Variants in SLC4A7 observed in about 807,000 individuals in gnomAD.
The protein encoded by SLC4A7 is solute carrier family 4 member 7.
A neutral mutation model predicts 137.6 loss-of-function variants in SLC4A7; 51 were observed. That is an observed-to-expected ratio of 0.37 (90% CI 0.30 to 0.47). The LOEUF is 0.47. SLC4A7 is among the 20% of genes least tolerant of loss of function. SLC4A7 has a pLI of 1.00. For synonymous variants in SLC4A7, 542 were observed against 518.6 expected (o/e 1.05, Z -0.61); for missense variants, 1,247 against 1,525.4 (o/e 0.82, Z 3.04).
chr3:27,405,439 G>C (rs1028147018), intron 13 of SLC4A7, among the ~76,000 whole-genome samples: 5 of 152,094 alleles, frequency 3.3e-5, no homozygotes, highest in African/African-American at 1.2e-4. Flanking sequence ...AGAGTAAATG[G>C]GAGAGACACA....
intron 13 of SLC4A7, among the ~76,000 whole-genome samples, chr3:27,408,967 T>C (rs1440157812): frequency 6.6e-6 from 1 of 152,154 alleles, no homozygotes; most frequent in Non-Finnish European, 1.5e-5. Flanking sequence ...TGGCTCTAAC[T>C]AATCCTATGA....
chr3:27,403,422 G>T, intron 14 of SLC4A7, 38 bp from the exon 15 acceptor site: 1 of 1,452,718 alleles, frequency 6.9e-7, no homozygotes, highest in Non-Finnish European at 9.4e-7. Flanking sequence ...ATAAACATAT[G>T]TGGAATAGTA....
intron 1 of SLC4A7, among the ~76,000 whole-genome samples, chr3:27,467,759 T>C (rs551852077): frequency 5.9e-5 from 9 of 152,286 alleles, no homozygotes; most frequent in Middle Eastern, 3.4e-3. Context: ...AAGATCACCA[T>C]CTAGTGGTTA....
intron 3 of SLC4A7, among the ~76,000 whole-genome samples, chr3:27,443,753 C>G (rs1306555857): frequency 2.0e-5 from 3 of 152,178 alleles, no homozygotes; most frequent in Non-Finnish European, 2.9e-5. Flanking sequence ...CCAGAACTGT[C>G]CTTACTTGGC....
chr3:27,425,073 A>T (rs1421887256), intron 7 of SLC4A7, among the ~76,000 whole-genome samples: 3 of 152,328 alleles, frequency 2.0e-5, no homozygotes, highest in Middle Eastern at 3.4e-3. Flanking sequence ...GTTAAAATTT[A>T]AAAAATTTCA....
intron 2 of SLC4A7, among the ~76,000 whole-genome samples, chr3:27,450,257 C>T (rs1190223915): frequency 1.3e-5 from 2 of 152,056 alleles, no homozygotes; most frequent in Non-Finnish European, 2.9e-5. Context: ...CGATAAATGT[C>T]TATGGAATTA....
At chr3:27,479,370 T>C (rs2059614107) in intron 1 of SLC4A7, among the ~76,000 whole-genome samples, 1 of 151,178 alleles carries the variant, frequency 6.6e-6, no homozygotes, top group Non-Finnish European at 1.5e-5. Flanking sequence ...GCCATGATGG[T>C]ACCACTGCAC....
chr3:27,386,901 C>T (rs1318483327), intron 22 of SLC4A7, among the ~76,000 whole-genome samples: 1 of 152,124 alleles, frequency 6.6e-6, no homozygotes, highest in Non-Finnish European at 1.5e-5. Context: ...AGGAGTACAA[C>T]ATTACTTAGC....
At position 27,400,947 on chromosome 3, in the gene SLC4A7, TG is replaced by T. The variant is rs1378515884; in HGVS notation, c.2322-79del. The stretch of plus-strand genomic sequence containing the variant: ...ATTTTACTAAATCAATTATACAATG[TG>T]GTAGATTTTAACTTCTTTTTTTCCC... On this transcript the variant is annotated intron_variant, in intron 15 of 25. Transcript: ENST00000454389. The T allele has an allele frequency of 1.9e-5, 15 of 787,442 alleles. No individual in the cohort carries two copies. In the Admixed American group the frequency reaches 2.9e-4, roughly 15 times the overall value. 48.8% of individuals were successfully genotyped at this position (787,442 alleles called of 1,614,324 possible).
At chr3:27,473,061 C>G (rs2059317444) in intron 1 of SLC4A7, among the ~76,000 whole-genome samples, 1 of 145,212 alleles carries the variant, frequency 6.9e-6, no homozygotes, top group Non-Finnish European at 1.5e-5. Flanking sequence ...GCCTGGGCAA[C>G]AGAGGAAGAC....
At chr3:27,470,485 A>G (rs955878118) in intron 1 of SLC4A7, among the ~76,000 whole-genome samples, 1 of 151,888 alleles carries the variant, frequency 6.6e-6, no homozygotes, top group African/African-American at 2.4e-5. Context: ...ATGAATATAT[A>G]TATGACTGAT....
intron 3 of SLC4A7, among the ~76,000 whole-genome samples, chr3:27,446,747 A>T (rs553258116): frequency 5.9e-5 from 9 of 151,972 alleles, no homozygotes; most frequent in Non-Finnish European, 1.3e-4. Flanking sequence ...AGTATCACCA[A>T]AAAAAAGTTC....
At chr3:27,459,685 A>T (rs1046588578) in intron 1 of SLC4A7, among the ~76,000 whole-genome samples, 4 of 152,110 alleles carry the variant, frequency 2.6e-5, no homozygotes, top group Non-Finnish European at 5.9e-5. Context: ...ATTTTTAAGT[A>T]ATTTATCAAA....
intron 6 of SLC4A7, among the ~76,000 whole-genome samples, chr3:27,432,672 G>A (rs1383414080): frequency 6.6e-6 from 1 of 152,082 alleles, no homozygotes; most frequent in Non-Finnish European, 1.5e-5. Context: ...GCTACATGCA[G>A]GAAAAACTCA....
intron 22 of SLC4A7, 41 bp downstream of exon 22, chr3:27,389,890 T>C (rs376019521): frequency 1.4e-6 from 2 of 1,420,856 alleles, no homozygotes; most frequent in African/African-American, 1.4e-5. Context: ...ACTGTAAACA[T>C]ATTATTAATT....
chr3:27,373,939 A>C lies in SLC4A7; in HGVS notation c.*2825T>G, dbSNP rs1347631707. 1 of 152,530 alleles carries C rather than the reference A, an allele frequency of 6.6e-6. No homozygotes were observed. The highest frequency in any genetic ancestry group is 2.4e-5 in the African/African-American group (1 of 41,452). 9.4% of individuals were successfully genotyped at this position (152,530 alleles called of 1,614,324 possible). A position where few individuals can be genotyped will look rare whatever the true frequency, so the allele number is the denominator to read the frequency against. On this transcript the variant is annotated 3_prime_UTR_variant, in exon 26 of 26. Transcript: ENST00000454389. ...TTTTAAAACAACTTTTAACAGATAT[A>C]AGATCAGTATCATTCACATTCACAC... is the stretch of plus-strand genomic sequence containing the variant.
chr3:27,463,203 G>A (rs536070238), intron 1 of SLC4A7, among the ~76,000 whole-genome samples: 11 of 152,312 alleles, frequency 7.2e-5, no homozygotes, highest in African/African-American at 2.4e-4. Flanking sequence ...CAAGGAGGGC[G>A]GATGACGAGG....
intron 7 of SLC4A7, among the ~76,000 whole-genome samples, chr3:27,426,386 T>C (rs2055622686): frequency 6.6e-6 from 1 of 152,158 alleles, no homozygotes; most frequent in South Asian, 2.1e-4. Context: ...AGATAAAAAG[T>C]TAACCAGTGT....
At chr3:27,382,717 G>C (rs1426746271) in intron 24 of SLC4A7, among the ~76,000 whole-genome samples, 1 of 152,092 alleles carries the variant, frequency 6.6e-6, no homozygotes, top group Admixed American at 6.5e-5. Context: ...ATCAGAAAAT[G>C]AATTACTGGT....
Sources: allele counts gnomAD v4.1 joint callset (sites outside exome capture counted in the v4.1 genomes callset), GRCh38; gene constraint gnomAD v4.1.1; transcripts MANE v1.5; gene names NCBI Gene and HGNC (gene_info 2026-07-23, HGNC 2026-07-21).